ADAMTS14: variants seen among roughly 807,000 people sequenced by gnomAD.
The protein encoded by ADAMTS14 is A disintegrin and metalloproteinase with thrombospondin motifs 14.
ADAMTS14 carries 100 observed loss-of-function variants against 128.6 expected under a neutral mutation model. That is an observed-to-expected ratio of 0.78 (90% CI 0.66 to 0.92). The LOEUF (loss-of-function observed/expected upper bound fraction) is 0.92. Among genes scored for constraint, ADAMTS14 ranks in the 40% least tolerant of loss-of-function variants. The pLI is 0.00. For synonymous variants in ADAMTS14, 665 were observed against 653.8 expected, an observed-to-expected ratio of 1.02 and a Z score of -0.26; for missense variants, 1,562 against 1,658.6, an observed-to-expected ratio of 0.94 and a Z score of 1.01.
At chr10:70,712,698 G>A (rs998655820) in intron 4 of ADAMTS14, among the ~76,000 whole-genome samples, 3 of 152,200 alleles carry the variant, frequency 2.0e-5, no homozygotes, top group African/African-American at 7.2e-5. Context: ...GCTCTCTGCT[G>A]TAAGGGCACT....
Position 70,672,734 on chromosome 10 carries a change from A to G in ADAMTS14, c.-69A>G, listed in dbSNP as rs933157309. On this transcript the variant is annotated 5_prime_UTR_variant, in exon 1 of 22. Transcript: ENST00000373207. ...GCTCCGACAGCCCGGGGCGCACCCT[A>G]GCCTCGCCGCCCTCAGCCTGGGACT... is the stretch of plus-strand genomic sequence containing the variant. 95 of 1,433,608 alleles carry G rather than the reference A, an allele frequency of 6.6e-5. No homozygotes were observed. Among genetic ancestry groups the G allele is most frequent in the Middle Eastern group, 2.4e-4 (1 of 4,100 alleles). 88.8% of individuals were successfully genotyped at this position (1,433,608 alleles called of 1,614,324 possible).
chr10:70,707,668 A>G (rs2132610771), intron 3 of ADAMTS14, among the ~76,000 whole-genome samples: 1 of 152,360 alleles, frequency 6.6e-6, no homozygotes, highest in African/African-American at 2.4e-5. Context: ...CCCACATGAG[A>G]AGCTACTTAA....
intron 9 of ADAMTS14, among the ~76,000 whole-genome samples, chr10:70,735,812 G>A (rs1419551219): frequency 2.0e-5 from 3 of 152,206 alleles, no homozygotes; most frequent in African/African-American, 4.8e-5. Flanking sequence ...AGACTGCTGA[G>A]CCTGAGATCA....
At chr10:70,740,697 A>C (rs956634627) in intron 11 of ADAMTS14, among the ~76,000 whole-genome samples, 3 of 152,116 alleles carry the variant, frequency 2.0e-5, no homozygotes, top group Non-Finnish European at 4.4e-5. Context: ...CCAGCTGGAG[A>C]GGGTTAGTCA....
intron 19 of ADAMTS14, among the ~76,000 whole-genome samples, chr10:70,754,278 C>T (rs1842429213): frequency 6.6e-6 from 1 of 152,212 alleles, no homozygotes; most frequent in African/African-American, 2.4e-5. Context: ...CTGAAGTACA[C>T]TCTTGCATTC....
At chr10:70,738,110 G>A (rs1041504704) in intron 10 of ADAMTS14, among the ~76,000 whole-genome samples, 16 of 152,134 alleles carry the variant, frequency 1.1e-4, no homozygotes, top group African/African-American at 3.9e-4. Flanking sequence ...TGATTCCAAG[G>A]TTGAGAGCCA....
At chr10:70,732,151 C>G (rs1176241153) in intron 6 of ADAMTS14, 103 bp from the exon 7 acceptor site, 3 of 1,028,400 alleles carry the variant, frequency 2.9e-6, no homozygotes, top group African/African-American at 3.2e-5. Context: ...AACGTCCCCA[C>G]TCCAAGCACT....
chr10:70,752,053 G>T, intron 17 of ADAMTS14, 42 bp from the exon 18 acceptor site: 1 of 1,580,704 alleles, frequency 6.3e-7, no homozygotes, highest in Non-Finnish European at 8.6e-7. Flanking sequence ...GCAATGGGGG[G>T]CCTGGCTGGA....
Position 70,674,846 on chromosome 10 carries a change from C to T in ADAMTS14, c.373C>T (p.Arg125Trp), listed in dbSNP as rs147617019. Residue 125 changes from arginine (R) to tryptophan (W), a missense_variant, in exon 2 of 22, where the codon CGG becomes TGG. Physicochemically the swap from Arg to Trp is moderately radical, Grantham distance 101 (BLOSUM62 -3). Coordinates refer to ENST00000373207, the MANE Select transcript of ADAMTS14 (RefSeq NM_080722.4). ...KELHLRLRPN[R>W]RLVVPGSSVE... Reference sequence around the variant, plus strand: ...ACTGCACTTGCGCCTGCGGCCCAATCGGAGGTTGGTAGTGCCAGGATCCTC... The same window carrying T: ...ACTGCACTTGCGCCTGCGGCCCAATTGGAGGTTGGTAGTGCCAGGATCCTC... The T allele has an allele frequency of 2.1e-3, 3,408 of 1,613,926 alleles. 8 individuals carry two copies. The highest frequency in any genetic ancestry group is 2.6e-3 in the Non-Finnish European group (3,081 of 1,180,046).
chr10:70,733,859 G>A (rs1472854833), intron 7 of ADAMTS14, 26 bp from the exon 8 acceptor site: 1 of 1,603,376 alleles, frequency 6.2e-7, no homozygotes, highest in African/African-American at 1.3e-5. Flanking sequence ...GGATGTATCA[G>A]GACTCCTCTG....
chr10:70,731,927 A>C (rs141746435), intron 6 of ADAMTS14, among the ~76,000 whole-genome samples: 237 of 152,046 alleles, frequency 1.6e-3, no homozygotes, highest in African/African-American at 5.4e-3. Context: ...AAGTGTTCGG[A>C]GCTTGTTTGC....
intron 2 of ADAMTS14, among the ~76,000 whole-genome samples, chr10:70,688,856 G>A (rs12241183): frequency 0.047 from 49 of 1,046 alleles, 9 homozygotes; most frequent in African/African-American, 0.17. Context: ...AGGGGGAGGG[G>A]GAGGGGGAGG....
intron 2 of ADAMTS14, among the ~76,000 whole-genome samples, chr10:70,689,029 GCAGGGGC>G: frequency 9.4e-6 from 1 of 106,794 alleles, no homozygotes; most frequent in South Asian, 2.9e-4. Context: ...CTTGAGGCTG[GCAGGGGC>G]CCACACTCTA....
At chr10:70,726,749 G>T (rs1841442375) in intron 4 of ADAMTS14, among the ~76,000 whole-genome samples, 1 of 152,188 alleles carries the variant, frequency 6.6e-6, no homozygotes, top group Non-Finnish European at 1.5e-5. Flanking sequence ...CCACCAGGGA[G>T]CCTATGTGTG....
At chr10:70,743,946 A>G (rs959506584) in intron 13 of ADAMTS14, 120 bp from the exon 14 acceptor site, 6 of 1,355,062 alleles carry the variant, frequency 4.4e-6, no homozygotes, top group African/African-American at 4.4e-5. Flanking sequence ...AATCCTGTCC[A>G]GGGACATCTC....
intron 4 of ADAMTS14, among the ~76,000 whole-genome samples, chr10:70,720,486 A>G (rs988926598): frequency 6.6e-6 from 1 of 152,178 alleles, no homozygotes; most frequent in Admixed American, 6.5e-5. Flanking sequence ...TATGGCACAC[A>G]TGTGAACTTG....
intron 17 of ADAMTS14, 25 bp from the exon 18 acceptor site, chr10:70,752,070 C>T: frequency 6.3e-7 from 1 of 1,597,524 alleles, no homozygotes; most frequent in Non-Finnish European, 8.5e-7. Context: ...TGGACTAGGC[C>T]CACGGCAGCC....
intron 8 of ADAMTS14, among the ~76,000 whole-genome samples, chr10:70,734,272 C>T (rs1841750708): frequency 1.3e-5 from 2 of 152,160 alleles, no homozygotes; most frequent in Admixed American, 1.3e-4. Flanking sequence ...AATGCAGACC[C>T]CCTGGCTCAT....
chr10:70,753,141 C>A (rs1050902943), intron 18 of ADAMTS14, among the ~76,000 whole-genome samples: 1 of 152,210 alleles, frequency 6.6e-6, no homozygotes, highest in African/African-American at 2.4e-5. Flanking sequence ...CTAAAAGATG[C>A]CTTGGGAACC....
Sources: allele counts gnomAD v4.1 joint callset (sites outside exome capture counted in the v4.1 genomes callset), GRCh38; gene constraint gnomAD v4.1.1; transcripts MANE v1.5; gene names NCBI Gene and HGNC (gene_info 2026-07-23, HGNC 2026-07-21).